NAALADL2: variants seen among roughly 807,000 people sequenced by gnomAD.
NAALADL2 encodes the protein inactive N-acetylated-alpha-linked acidic dipeptidase-like protein 2.
A neutral mutation model predicts 87.2 loss-of-function variants in NAALADL2; 76 were observed. The ratio of observed to expected loss-of-function variants is 0.87; its 90% CI spans 0.72 to 1.05. The LOEUF (loss-of-function observed/expected upper bound fraction) is 1.05, where lower values mean the gene tolerates loss of function less well. Ranked by LOEUF, NAALADL2 falls within the 50% of genes least tolerant of loss-of-function variation. The probability of loss-of-function intolerance (pLI) is 0.00; values close to 1 mark genes in which losing one functional copy is unlikely to be tolerated. For synonymous variants in NAALADL2, 354 were observed against 331.0 expected (o/e 1.07, Z -0.75); for missense variants, 1,089 against 945.8 (o/e 1.15, Z -1.99).
chr3:175,732,617 C>T (rs1018725970), intron 11 of NAALADL2, among the ~76,000 whole-genome samples: 2 of 152,072 alleles, frequency 1.3e-5, no homozygotes, highest in Non-Finnish European at 2.9e-5. Context: ...CCGAGAACAT[C>T]CTCATCGTGT....
intron 5 of NAALADL2, among the ~76,000 whole-genome samples, chr3:175,436,558 T>C (rs1051434112): frequency 6.8e-6 from 1 of 147,200 alleles, no homozygotes; most frequent in Admixed American, 7.0e-5. Context: ...TGGTGTGAGA[T>C]GGTATCTTAT....
chr3:174,860,349 G>GA (rs1726339385), intron 1 of NAALADL2, among the ~76,000 whole-genome samples: 1 of 151,522 alleles, frequency 6.6e-6, no homozygotes, highest in African/African-American at 2.4e-5. Flanking sequence ...AATCTTTCTT[G>GA]AAATACTGTG....
chr3:174,862,205 T>A (rs1433549646), intron 1 of NAALADL2, among the ~76,000 whole-genome samples: 1 of 151,926 alleles, frequency 6.6e-6, no homozygotes, highest in Non-Finnish European at 1.5e-5. Flanking sequence ...CTAAGCATTG[T>A]TATTTGTGAA....
At chr3:175,285,214 C>T (rs568676083) in intron 4 of NAALADL2, among the ~76,000 whole-genome samples, 30 of 152,176 alleles carry the variant, frequency 2.0e-4, no homozygotes, top group Admixed American at 4.6e-4. Flanking sequence ...TTTTTAGTTA[C>T]TCACTAGTCA....
At chr3:175,171,045 A>T (rs1417430437) in intron 2 of NAALADL2, among the ~76,000 whole-genome samples, 1 of 151,984 alleles carries the variant, frequency 6.6e-6, no homozygotes, top group East Asian at 1.9e-4. Context: ...TTTAAAATAG[A>T]ACAAATATTA....
At position 175,208,415 on chromosome 3, in the gene NAALADL2, A is replaced by G. The variant is rs1179669589; in HGVS notation, c.546-25516A>G. ...ATGCACAAGCTTCTCTCTTGACTTT[A>G]TATGTGCTTTGTTTTGTACTCCATT... On this transcript the variant is annotated intron_variant, in intron 2 of 13. Transcript: ENST00000454872. 2.6e-5 allele frequency among the ~76,000 whole-genome samples: 4 copies of G among 152,100 alleles called. No individual in the cohort carries two copies. The East Asian group carries it at 7.7e-4, about 29-fold the overall frequency.
At chr3:175,735,673 A>G (rs1354032710) in intron 11 of NAALADL2, among the ~76,000 whole-genome samples, 1 of 152,130 alleles carries the variant, frequency 6.6e-6, no homozygotes, top group Non-Finnish European at 1.5e-5. Context: ...CACATTCACT[A>G]TCATGAGAAC....
intron 3 of NAALADL2, among the ~76,000 whole-genome samples, chr3:174,772,833 C>G (rs1560212702): frequency 6.6e-6 from 1 of 152,118 alleles, no homozygotes; most frequent in Admixed American, 6.6e-5. Flanking sequence ...ATATAAAGTT[C>G]TAAAGTGCAA....
intron 1 of NAALADL2, among the ~76,000 whole-genome samples, chr3:174,490,433 G>C (rs1424483814): frequency 2.0e-5 from 3 of 152,050 alleles, no homozygotes; most frequent in Admixed American, 1.3e-4. Context: ...AATGGGCATG[G>C]GGTTTCTTTT....
chr3:175,241,934 T>A (rs1746989569), intron 3 of NAALADL2, among the ~76,000 whole-genome samples: 1 of 137,824 alleles, frequency 7.3e-6, no homozygotes, highest in Non-Finnish European at 1.5e-5. Flanking sequence ...AGGTCTTGGC[T>A]CACTGCAACC....
At chr3:174,941,233 G>A (rs28804494) in intron 1 of NAALADL2, among the ~76,000 whole-genome samples, 1 of 152,028 alleles carries the variant, frequency 6.6e-6, no homozygotes, top group Non-Finnish European at 1.5e-5. Context: ...AGAACTTCTT[G>A]ATTTCTGCCT....
chr3:175,352,441 A>G (rs1285814656), intron 5 of NAALADL2, among the ~76,000 whole-genome samples: 1 of 152,080 alleles, frequency 6.6e-6, no homozygotes, highest in African/African-American at 2.4e-5. Context: ...CCAAAATTAC[A>G]ATTACAGATA....
At chr3:175,556,074 C>A (rs944982408) in intron 9 of NAALADL2, among the ~76,000 whole-genome samples, 2 of 152,162 alleles carry the variant, frequency 1.3e-5, no homozygotes, top group Non-Finnish European at 2.9e-5. Flanking sequence ...GGGTAGCCAG[C>A]GACTCACTTC....
intron 5 of NAALADL2, among the ~76,000 whole-genome samples, chr3:175,422,512 T>C (rs1403901351): frequency 6.6e-6 from 1 of 152,084 alleles, no homozygotes; most frequent in East Asian, 1.9e-4. Context: ...GGCTGTCTCT[T>C]GTTGGAGAAA....
chr3:175,145,203 T>TGACTCAC (rs1335855528), intron 2 of NAALADL2, among the ~76,000 whole-genome samples: 2 of 152,064 alleles, frequency 1.3e-5, no homozygotes, highest in African/African-American at 4.8e-5. Flanking sequence ...CGTGTTTTGA[T>TGACTCAC]GACTCACATG....
At chr3:174,764,107 C>G (rs1245559525) in intron 3 of NAALADL2, among the ~76,000 whole-genome samples, 1 of 152,186 alleles carries the variant, frequency 6.6e-6, no homozygotes, top group African/African-American at 2.4e-5. Context: ...CCAGGACTAT[C>G]CACTGGCCAC....
chr3:175,216,694 T>G (rs1335662182), intron 2 of NAALADL2, among the ~76,000 whole-genome samples: 6 of 114,652 alleles, frequency 5.2e-5, no homozygotes, highest in Non-Finnish European at 6.8e-5. Flanking sequence ...TTTGAGAAGG[T>G]GTCTCGCCCT....
intron 10 of NAALADL2, among the ~76,000 whole-genome samples, chr3:175,625,393 A>T (rs552925909): frequency 1.5e-4 from 23 of 152,130 alleles, no homozygotes; most frequent in Admixed American, 2.6e-4. Context: ...AAATTTAAGT[A>T]TTGATGTGTA....
intron 1 of NAALADL2, chr3:175,079,276 T>G (rs1174986168): frequency 6.6e-6 from 1 of 152,236 alleles, no homozygotes; most frequent in Non-Finnish European, 1.5e-5. Flanking sequence ...TAAATTGGAT[T>G]GTCTTTGTAT....
Sources: gnomAD v4.1 joint callset for allele counts (sites outside exome capture counted in the v4.1 genomes callset) on GRCh38, gnomAD v4.1.1 for gene constraint, MANE v1.5 for transcripts, NCBI Gene and HGNC (gene_info 2026-07-23, HGNC 2026-07-21) for gene names.